The following DNAJC28 variants were observed in gnomAD, a reference collection of about 807,000 sequenced individuals.
DNAJC28 encodes dnaJ homolog subfamily C member 28.
DNAJC28 carries 24 observed loss-of-function variants against 33.3 expected under a neutral mutation model. That is an observed-to-expected ratio of 0.72 (90% CI 0.52 to 1.01). The LOEUF (loss-of-function observed/expected upper bound fraction) is 1.01. Among genes scored for constraint, DNAJC28 ranks in the 50% least tolerant of loss-of-function variants. DNAJC28 has a pLI of 0.00. For missense variants in DNAJC28, 442 were observed against 455.2 expected (o/e 0.97, Z 0.26); for synonymous variants, 120 against 147.2 (o/e 0.82, Z 1.34).
In DNAJC28 at chr21:33,488,365, G is replaced by A. The variant is rs1247178131; in HGVS notation, c.1029C>T (p.Thr343=). The A allele has an allele frequency of 1.9e-6, 3 of 1,591,092 alleles. No homozygotes were observed. The highest frequency in any genetic ancestry group is 2.6e-6 in the Non-Finnish European group (3 of 1,174,294). ...EIVRAQKIYE[T]LIKTKEVTDR... Reference sequence around the variant, plus strand: ...CTGTGACTTCTTTTGTTTTTATAAGGGTCTCGTATATTTTCTGGGCTCTGA... The same window carrying A: ...CTGTGACTTCTTTTGTTTTTATAAGAGTCTCGTATATTTTCTGGGCTCTGA... Residue 343 remains threonine (T), a synonymous_variant, in exon 2 of 2, where the codon ACC becomes ACT. Coordinates refer to ENST00000381947, the MANE Select transcript of DNAJC28 (RefSeq NM_001040192.3).
Position 33,488,766 on chromosome 21 carries a change from C to A in DNAJC28, c.628G>T (p.Glu210Ter), listed in dbSNP as rs138072076. 2.5e-4 allele frequency: 397 copies of A among 1,613,204 alleles called. No individual in the cohort carries two copies. Among genetic ancestry groups the A allele is most frequent in the Non-Finnish European group, 3.2e-4 (375 of 1,179,884 alleles). The change falls in exon 2 of 2, where the codon GAA (glutamate) becomes TAA (stop). Residue 210 changes from glutamate to a stop codon, truncating the protein, a stop_gained. Coordinates refer to ENST00000381947, the MANE Select transcript of DNAJC28 (RefSeq NM_001040192.3). LOFTEE classifies it high-confidence loss of function. ...IERLVEDLIQ[E>*]SMAKGDFDNL... The stretch of plus-strand genomic sequence containing the variant: ...TCAAAGTCTCCTTTTGCCATGGATT[C>A]TTGAATGAGGTCCTCCACTAAACGT...
In DNAJC28 at chr21:33,489,029, T is replaced by G. The variant is rs757469310; in HGVS notation, c.365A>C (p.Asp122Ala). The G allele has an allele frequency of 3.1e-6, 5 of 1,604,978 alleles. No individual in the cohort carries two copies. Among genetic ancestry groups the G allele is most frequent in the Non-Finnish European group, 4.2e-6 (5 of 1,176,938 alleles). The change falls in exon 2 of 2, where the codon GAT (aspartate) becomes GCT (alanine). Residue 122 changes from aspartate to alanine, a missense_variant. Physicochemically the swap from Asp to Ala is moderately radical, Grantham distance 126. Coordinates refer to ENST00000381947, the MANE Select transcript of DNAJC28 (RefSeq NM_001040192.3). ...TGTTTTATATTTGAATTTTTCTACA[T>G]CTTCTTCTTCTTCACCTTTACTCTG... Reference protein sequence around the residue: ...ASQSKGEEEEDVEKFKYKTPQ... With the variant: ...ASQSKGEEEEAVEKFKYKTPQ...
At position 33,489,188 on chromosome 21, in the gene DNAJC28, T is replaced by G. The variant is rs1326026484; in HGVS notation, c.206A>C (p.Glu69Ala). The change falls in exon 2 of 2, where the codon GAA becomes GCA. Residue 69 changes from glutamate (E) to alanine (A), a missense_variant. Coordinates refer to ENST00000381947, the MANE Select transcript of DNAJC28 (RefSeq NM_001040192.3). ...TTGCTTGGCAAGCTTATGAAAAGAT[T>G]CCCTGACTTCATCTGCAGAGCATCC... ...EEGCSADEVR[E>A]SFHKLAKQYH... The G allele has an allele frequency of 6.2e-7, 1 of 1,610,218 alleles. No homozygotes were observed. The highest frequency in any genetic ancestry group is 8.5e-7 in the Non-Finnish European group (1 of 1,178,922).
rs2084481390 is a variant in DNAJC28, at chr21:33,488,375, A to AT, written c.1018dup (p.Ile340AsnfsTer14). On this transcript the variant is annotated frameshift_variant, in exon 2 of 2. Transcript: ENST00000381947. LOFTEE classifies it high-confidence loss of function. ...TTTTGTTTTTATAAGGGTCTCGTAT[A>AT]TTTTCTGGGCTCTGACAATTTCTTT... 1.3e-6 allele frequency: 2 copies of AT among 1,593,064 alleles called. No individual in the cohort carries two copies. The highest frequency in any genetic ancestry group is 4.5e-5 in the East Asian group (2 of 44,714).
rs557659644 is a variant in DNAJC28 at position 33,489,430 on chromosome 21, A to G, written c.-31-6T>C. 1.2e-4 allele frequency: 166 copies of G among 1,382,216 alleles called. 2 individuals are homozygous for G. In the South Asian group the frequency reaches 2.8e-3, roughly 23 times the overall value. 85.6% of individuals were successfully genotyped at this position (1,382,216 alleles called of 1,614,324 possible). A position where few individuals can be genotyped will look rare whatever the true frequency, so the allele number is the denominator to read the frequency against. ...GAGTTCTTCCTAGCAATGACCTATA[A>G]AACGACAACAAATATAGGTTGAACA... On this transcript the variant is annotated splice_region_variant and splice_polypyrimidine_tract_variant and intron_variant, in intron 1 of 1. Transcript: ENST00000381947.
Position 33,489,137 on chromosome 21 carries a change from G to GT in DNAJC28, c.256dup (p.Thr86AsnfsTer3). 6.2e-7 allele frequency: 1 copy of GT among 1,613,822 alleles called. No homozygotes were observed. The highest frequency in any genetic ancestry group is 8.5e-7 in the Non-Finnish European group (1 of 1,179,992). Reference sequence around the variant, plus strand: ...CCTTATAAATGTTGCAGAATCAGCAGTATTAGAGCCACTGTCAGGATGATA... The same window carrying GT: ...CCTTATAAATGTTGCAGAATCAGCAGTTATTAGAGCCACTGTCAGGATGATA... On this transcript the variant is annotated frameshift_variant, in exon 2 of 2. Coordinates refer to ENST00000381947, the MANE Select transcript of DNAJC28 (RefSeq NM_001040192.3). LOFTEE classifies it high-confidence loss of function.
rs751729241 is a variant in DNAJC28 at position 33,488,513 on chromosome 21, T to C, written c.881A>G (p.Asn294Ser). The change falls in exon 2 of 2, where the codon AAC becomes AGC. Residue 294 changes from asparagine to serine, a missense_variant. Transcript: ENST00000381947. Reference sequence around the variant, plus strand: ...TTCTTGAAACTGCTCACAAACATGGTTCCACTGTTTCTTTTCAGTTGGTGT... The same window carrying C: ...TTCTTGAAACTGCTCACAAACATGGCTCCACTGTTTCTTTTCAGTTGGTGT... ...PMTPTEKKQW[N>S]HVCEQFQENI... 1 of 1,612,436 alleles carries C rather than the reference T, an allele frequency of 6.2e-7. No individual in the cohort carries two copies. The highest frequency in any genetic ancestry group is 8.5e-7 in the Non-Finnish European group (1 of 1,179,700).
At position 33,488,418 on chromosome 21, in the gene DNAJC28, C is replaced by T. The variant is rs747036845; in HGVS notation, c.976G>A (p.Val326Ile). The change falls in exon 2 of 2, where the codon GTC becomes ATC. Residue 326 changes from valine (V) to isoleucine (I), a missense_variant. Physicochemically the swap from Val to Ile is conservative, Grantham distance 29 (BLOSUM62 3). Coordinates refer to ENST00000381947, the MANE Select transcript of DNAJC28 (RefSeq NM_001040192.3). ...LIVPILTRQK[V>I]HFDAQKEIVR... ...ATTTCTTTCTGAGCATCAAAATGGA[C>T]TTTTTGCCTGGTCAGGATGGGAACA... is the stretch of plus-strand genomic sequence containing the variant. 2 of 1,592,972 alleles carry T rather than the reference C, an allele frequency of 1.3e-6. No individual in the cohort carries two copies. Among genetic ancestry groups the T allele is most frequent in the South Asian group, 2.3e-5 (2 of 86,344 alleles).
At position 33,488,434 on chromosome 21, in the gene DNAJC28, G is replaced by C. The variant is rs1428296178; in HGVS notation, c.960C>G (p.Ile320Met). Residue 320 changes from isoleucine to methionine, a missense_variant, in exon 2 of 2, where the codon ATC (isoleucine) becomes ATG (methionine). Physicochemically the swap from Ile to Met is conservative, Grantham distance 10 (BLOSUM62 1). Transcript: ENST00000381947. ...CAAAATGGACTTTTTGCCTGGTCAG[G>C]ATGGGAACAATTAAATTAAAATCAT... The part of the protein sequence containing the change: ...RINDFNLIVP[I>M]LTRQKVHFDA... 2 of 1,602,306 alleles carry C rather than the reference G, an allele frequency of 1.2e-6. No homozygotes were observed. Among genetic ancestry groups the C allele is most frequent in the African/African-American group, 2.7e-5 (2 of 74,256 alleles).
At position 33,488,058 on chromosome 21, in the gene DNAJC28, A is replaced by AT; in HGVS notation, c.*168dup. The AT allele has an allele frequency of 1.9e-6, 1 of 523,248 alleles. No individual in the cohort carries two copies. Among genetic ancestry groups the AT allele is most frequent in the Non-Finnish European group, 3.1e-6 (1 of 319,698 alleles). 32.4% of individuals were successfully genotyped at this position (523,248 alleles called of 1,614,324 possible). A position where few individuals can be genotyped will look rare whatever the true frequency, so the allele number is the denominator to read the frequency against. On this transcript the variant is annotated 3_prime_UTR_variant, in exon 2 of 2. Coordinates refer to ENST00000381947, the MANE Select transcript of DNAJC28 (RefSeq NM_001040192.3). ...GTTTCAGTTATTTTCTTTTCTTGCT[A>AT]TATCCTCAGGACAAACCTGATAGGT... is the stretch of plus-strand genomic sequence containing the variant.
At position 33,489,364 on chromosome 21, in the gene DNAJC28, C is replaced by A; in HGVS notation, c.30G>T (p.Gln10His). The A allele has an allele frequency of 1.3e-6, 2 of 1,537,254 alleles. No homozygotes were observed. The highest frequency in any genetic ancestry group is 1.3e-5 in the South Asian group (1 of 76,158). Residue 10 changes from glutamine to histidine, a missense_variant, in exon 2 of 2, where the codon CAG becomes CAT. Physicochemically the swap from Gln to His is conservative, Grantham distance 24. Transcript: ENST00000381947. ...CCTTTATCAGGTGAGATCTTAAGAT[C>A]TGAGCCATCATCACATACATTGTAT... is the stretch of plus-strand genomic sequence containing the variant. MNTMYVMMA[Q>H]ILRSHLIKAT... is the part of the protein sequence containing the mutation.
At chr21:33,490,646 AGCT>A (rs1988977563) in intron 1 of DNAJC28, among the ~76,000 whole-genome samples, 2 of 151,934 alleles carry the variant, frequency 1.3e-5, no homozygotes, top group African/African-American at 4.8e-5. Context: ...TTGCAGTCCC[AGCT>A]ACTCGGGAGG....
At position 33,488,637 on chromosome 21, in the gene DNAJC28, G is replaced by C. The variant is rs1351820495; in HGVS notation, c.757C>G (p.Gln253Glu). 1.2e-6 allele frequency: 2 copies of C among 1,613,844 alleles called. No individual in the cohort carries two copies. Among genetic ancestry groups the C allele is most frequent in the Non-Finnish European group, 1.7e-6 (2 of 1,179,960 alleles). The part of the protein sequence containing the change: ...LNRILIDNGY[Q>E]PEWILKQKEI... ...TTTTGCTTAAGGATCCATTCTGGTT[G>C]GTATCCATTATCGATCAGTATTCGG... The change falls in exon 2 of 2, where the codon CAA becomes GAA. Residue 253 changes from glutamine (Q) to glutamate (E), a missense_variant. Transcript: ENST00000381947.
At position 33,489,018 on chromosome 21, in the gene DNAJC28, AT is replaced by A; in HGVS notation, c.375del (p.Lys125AsnfsTer13). 1.9e-6 allele frequency: 3 copies of A among 1,612,076 alleles called. No homozygotes were observed. The highest frequency in any genetic ancestry group is 2.5e-6 in the Non-Finnish European group (3 of 1,179,612). On this transcript the variant is annotated frameshift_variant, in exon 2 of 2. Transcript: ENST00000381947. LOFTEE classifies it high-confidence loss of function. ...SKGEEEEDVE[K>X]FKYKTPQHRH... ...CGGTGTTGGGGTGTTTTATATTTGA[AT>A]TTTTCTACATCTTCTTCTTCTTCAC...
intron 1 of DNAJC28, among the ~76,000 whole-genome samples, chr21:33,490,368 A>C (rs1177252331): frequency 6.6e-6 from 1 of 151,178 alleles, no homozygotes; most frequent in Non-Finnish European, 1.5e-5. Flanking sequence ...CGACCTCCCA[A>C]AGTGCTGGGA....
chr21:33,488,411 A>G lies in DNAJC28; in HGVS notation c.983T>C (p.Phe328Ser), dbSNP rs190424708. 6.3e-7 allele frequency: 1 copy of G among 1,591,532 alleles called. No homozygotes were observed. The highest frequency in any genetic ancestry group is 8.5e-7 in the Non-Finnish European group (1 of 1,173,600). The part of the protein sequence containing the change: ...VPILTRQKVH[F>S]DAQKEIVRAQ... The stretch of plus-strand genomic sequence containing the variant: ...TCTGACAATTTCTTTCTGAGCATCA[A>G]AATGGACTTTTTGCCTGGTCAGGAT... Residue 328 changes from phenylalanine (F) to serine (S), a missense_variant, in exon 2 of 2, where the codon TTT (phenylalanine) becomes TCT (serine). By Grantham distance (155) the Phe-to-Ser change is radical (BLOSUM62 -2). Coordinates refer to ENST00000381947, the MANE Select transcript of DNAJC28 (RefSeq NM_001040192.3).
Position 33,488,731 on chromosome 21 carries a change from A to T in DNAJC28, c.663T>A (p.Ser221Arg). ...ACTTTTTCAGAGGTTTTCCTTTCCCACTGAGATTGTCAAAGTCTCCTTTTG... is the reference window on the plus strand; with the variant it reads ...ACTTTTTCAGAGGTTTTCCTTTCCCTCTGAGATTGTCAAAGTCTCCTTTTG... ...SMAKGDFDNL[S>R]GKGKPLKKFS... Residue 221 changes from serine to arginine, a missense_variant, in exon 2 of 2, where the codon AGT (serine) becomes AGA (arginine). By Grantham distance (110) the Ser-to-Arg change is moderately radical. Coordinates refer to ENST00000381947, the MANE Select transcript of DNAJC28 (RefSeq NM_001040192.3). 6.2e-7 allele frequency: 1 copy of T among 1,611,782 alleles called. No individual in the cohort carries two copies. Among genetic ancestry groups the T allele is most frequent in the Non-Finnish European group, 8.5e-7 (1 of 1,179,496 alleles).
chr21:33,490,031 G>C (rs1042641044), intron 1 of DNAJC28, among the ~76,000 whole-genome samples: 52 of 149,590 alleles, frequency 3.5e-4, no homozygotes, highest in Non-Finnish European at 3.0e-5. Flanking sequence ...GAGCTCAAAC[G>C]ATCTGCCAGT....
chr21:33,490,998 A>C (rs2084517768), intron 1 of DNAJC28: 1 of 152,186 alleles, frequency 6.6e-6, no homozygotes, highest in African/African-American at 2.4e-5. Flanking sequence ...GCCGATTATA[A>C]ACTGCACGAG....
Sources: allele counts gnomAD v4.1 joint callset (sites outside exome capture counted in the v4.1 genomes callset), GRCh38; gene constraint gnomAD v4.1.1; transcripts MANE v1.5; gene names NCBI Gene and HGNC (gene_info 2026-07-23, HGNC 2026-07-21).